CAPN14: variants seen among roughly 807,000 people sequenced by gnomAD.
CAPN14 encodes calpain 14.
A neutral mutation model predicts 101.3 loss-of-function variants in CAPN14; 94 were observed. That is an observed-to-expected ratio of 0.93 (90% confidence interval 0.79 to 1.10). The LOEUF is 1.10. Ranked by LOEUF, CAPN14 falls within the 50% of genes least tolerant of loss-of-function variation. CAPN14 has a pLI of 0.00. For synonymous variants in CAPN14, 338 were observed against 317.9 expected (o/e 1.06, Z -0.67); for missense variants, 837 against 828.4 (o/e 1.01, Z -0.13).
intron 20 of CAPN14, among the ~76,000 whole-genome samples, 169 bp downstream of exon 20, chr2:31,176,857 A>G (rs1047264849): frequency 6.6e-6 from 1 of 152,222 alleles, no homozygotes; most frequent in Non-Finnish European, 1.5e-5. Context: ...ATGAGTTTGG[A>G]TATCTGCAGC....
intron 6 of CAPN14, 71 bp downstream of exon 6, chr2:31,200,380 G>T: frequency 7.3e-7 from 1 of 1,376,450 alleles, no homozygotes. Flanking sequence ...CCCAGGTGAG[G>T]GTAGTGGTGG....
intron 1 of CAPN14, among the ~76,000 whole-genome samples, chr2:31,211,274 C>A (rs1682388992): frequency 6.7e-6 from 1 of 150,344 alleles, no homozygotes; most frequent in Admixed American, 6.6e-5. Context: ...GGAAGGGTCA[C>A]AAAAATCAGA....
chr2:31,191,706 C>T (rs574920564), intron 11 of CAPN14, among the ~76,000 whole-genome samples: 5 of 152,316 alleles, frequency 3.3e-5, no homozygotes, highest in African/African-American at 1.2e-4. Flanking sequence ...ACCACATAAT[C>T]CTCTTTTATT....
chr2:31,197,157 A>G (rs1681506754), intron 8 of CAPN14, 92 bp downstream of exon 8: 2 of 852,154 alleles, frequency 2.3e-6, no homozygotes, highest in Non-Finnish European at 3.8e-6. Context: ...CCTAAGACCA[A>G]AGAAAGCACA....
rs1681804363 is a variant in CAPN14 at position 31,201,916 on chromosome 2, G to A, written c.497C>T (p.Ser166Phe). ...CCAGAACAAGTTCTTATAGGTGGAG[G>A]AGACAAAGACCAGCTGGCCAGCCTC... ...VNEAGQLVFV[S>F]STYKNLFWGA... The change falls in exon 5 of 22, where the codon TCC becomes TTC. Residue 166 changes from serine (S) to phenylalanine (F), a missense_variant. Coordinates refer to ENST00000403897, the MANE Select transcript of CAPN14 (RefSeq NM_001145122.2). The A allele has an allele frequency of 1.9e-6, 3 of 1,551,714 alleles. No homozygotes were observed. Among genetic ancestry groups the A allele is most frequent in the African/African-American group, 1.4e-5 (1 of 73,168 alleles).
chr2:31,207,659 TG>T (rs1266487796), intron 1 of CAPN14, among the ~76,000 whole-genome samples: 1 of 151,970 alleles, frequency 6.6e-6, no homozygotes, highest in African/African-American at 2.4e-5. Flanking sequence ...CTTAGCTACT[TG>T]GGAGGCTGAG....
chr2:31,228,154 C>T (rs1447825500), intron 1 of CAPN14, among the ~76,000 whole-genome samples: 1 of 152,208 alleles, frequency 6.6e-6, no homozygotes, highest in Non-Finnish European at 1.5e-5. Context: ...TTGAAAGGGG[C>T]CATAGATTCC....
At chr2:31,194,982 A>C (rs1316983613) in intron 8 of CAPN14, among the ~76,000 whole-genome samples, 1 of 152,194 alleles carries the variant, frequency 6.6e-6, no homozygotes, top group Admixed American at 6.5e-5. Context: ...GGCTGGAAAC[A>C]AACGAGGTGA....
intron 16 of CAPN14, among the ~76,000 whole-genome samples, chr2:31,181,434 CTTTCTTTCTTT>C (rs1471692696): frequency 1.5e-5 from 2 of 133,462 alleles, no homozygotes; most frequent in Non-Finnish European, 3.3e-5. Flanking sequence ...TTCTTTCTTT[CTTTCTTTCTTT>C]TTCTTTCTTT....
chr2:31,191,270 T>C, intron 12 of CAPN14, 129 bp downstream of exon 12: 1 of 911,566 alleles, frequency 1.1e-6, no homozygotes. Context: ...GCAGACATTC[T>C]CATCATCTGG....
chr2:31,183,685 C>A (rs922631462), intron 16 of CAPN14, among the ~76,000 whole-genome samples: 1 of 152,112 alleles, frequency 6.6e-6, no homozygotes, highest in African/African-American at 2.4e-5. Context: ...AGTCAGGAAA[C>A]AACAGGTGCT....
At chr2:31,179,092 A>ATATATATATATAT (rs1680461587) in intron 17 of CAPN14, among the ~76,000 whole-genome samples, 1 of 129,418 alleles carries the variant, frequency 7.7e-6, no homozygotes, top group Admixed American at 8.2e-5. Context: ...ATATATATAT[A>ATATATATATATAT]CTTTAAGTTC....
intron 12 of CAPN14, 115 bp from the exon 13 acceptor site, chr2:31,189,593 C>T: frequency 1.3e-6 from 1 of 797,976 alleles, no homozygotes; most frequent in Non-Finnish European, 2.1e-6. Context: ...CTGCCAAATC[C>T]AATAGGCCCC....
intron 1 of CAPN14, among the ~76,000 whole-genome samples, chr2:31,229,811 A>C (rs1156806266): frequency 6.6e-6 from 1 of 152,044 alleles, no homozygotes; most frequent in African/African-American, 2.4e-5. Flanking sequence ...CCCATTCCTG[A>C]CTAGTGTTTT....
chr2:31,231,997 G>T (rs932559094), intron 1 of CAPN14, among the ~76,000 whole-genome samples: 1 of 152,174 alleles, frequency 6.6e-6, no homozygotes, highest in Non-Finnish European at 1.5e-5. Context: ...AACAAGAGAT[G>T]ATCAGTTTTG....
chr2:31,228,119 AGG>A (rs1683081258), intron 1 of CAPN14, among the ~76,000 whole-genome samples: 2 of 152,252 alleles, frequency 1.3e-5, no homozygotes. Flanking sequence ...GCAGGTCACC[AGG>A]ATGCAATGGT....
At chr2:31,179,027 CT>C (rs200617152) in intron 17 of CAPN14, among the ~76,000 whole-genome samples, 174 of 142,760 alleles carry the variant, frequency 1.2e-3, no homozygotes, top group Non-Finnish European at 1.7e-3. Context: ...TTCACGCCTA[CT>C]TTTTTTTCTT....
Position 31,194,502 on chromosome 2 carries a change from A to G in CAPN14, c.876-19T>C. ...ACTTGAACTGAAAATAGAAAAGGGA[A>G]TGAAAAGCTTGTGGGGAGCATGCTA... On this transcript the variant is annotated intron_variant, in intron 8 of 21. Transcript: ENST00000403897. 6.5e-7 allele frequency: 1 copy of G among 1,530,504 alleles called. No homozygotes were observed. The highest frequency in any genetic ancestry group is 8.9e-7 in the Non-Finnish European group (1 of 1,127,856). 94.8% of individuals were successfully genotyped at this position (1,530,504 alleles called of 1,614,324 possible).
rs1367840329 is a variant in CAPN14 at position 31,205,679 on chromosome 2, G to A, written c.-52-180C>T. ...TGGGTCCTTGAGCACTCACTCAAGTGCTTGAGGACCTGGTGGGAGATCAGG... is the reference window on the plus strand; with the variant it reads ...TGGGTCCTTGAGCACTCACTCAAGTACTTGAGGACCTGGTGGGAGATCAGG... On this transcript the variant is annotated intron_variant, in intron 1 of 21. Transcript: ENST00000403897. 4.6e-5 allele frequency among the ~76,000 whole-genome samples: 7 copies of A among 152,162 alleles called. No homozygotes were observed. The East Asian group carries it at 1.2e-3, about 25-fold the overall frequency.
Sources: allele counts gnomAD v4.1 joint callset (sites outside exome capture counted in the v4.1 genomes callset), GRCh38; gene constraint gnomAD v4.1.1; transcripts MANE v1.5; gene names NCBI Gene and HGNC (gene_info 2026-07-23, HGNC 2026-07-21).